Variants in LRCH1 observed in about 807,000 individuals in gnomAD.
The protein encoded by LRCH1 is leucine rich repeats and calponin homology domain containing 1.
In LRCH1, 23 loss-of-function variants were observed where a neutral mutation model predicts 94.9. The ratio of observed to expected loss-of-function variants is 0.24; its 90% confidence interval spans 0.17 to 0.34. LRCH1 has a LOEUF of 0.34. Among genes scored for constraint, LRCH1 ranks in the 10% least tolerant of loss-of-function variants. LRCH1 has a pLI of 1.00. For synonymous variants in LRCH1, 364 were observed against 354.9 expected (o/e 1.03, Z -0.29); for missense variants, 790 against 945.9 (o/e 0.84, Z 2.16).
At chr13:46,676,466 C>G (rs1448970937) in intron 3 of LRCH1, among the ~76,000 whole-genome samples, 1 of 152,058 alleles carries the variant, frequency 6.6e-6, no homozygotes, top group East Asian at 1.9e-4. Flanking sequence ...GATAGAGACA[C>G]AGAAAGGGTA....
intron 1 of LRCH1, among the ~76,000 whole-genome samples, chr13:46,590,192 G>A (rs989781088): frequency 1.3e-5 from 2 of 152,020 alleles, no homozygotes; most frequent in East Asian, 3.9e-4. Context: ...TCACAATATT[G>A]GAAGGTGACA....
chr13:46,680,932 G>T (rs1156468254), intron 3 of LRCH1, among the ~76,000 whole-genome samples: 1 of 152,178 alleles, frequency 6.6e-6, no homozygotes, highest in African/African-American at 2.4e-5. Context: ...CTACACTGCA[G>T]GAGTAGCTGG....
chr13:46,681,910 T>A, intron 4 of LRCH1, 64 bp downstream of exon 4: 2 of 1,014,566 alleles, frequency 2.0e-6, no homozygotes, highest in South Asian at 2.8e-5. Context: ...TTTTGGGGGG[T>A]TTACTTTTGT....
At chr13:46,625,598 C>G (rs961593209) in intron 1 of LRCH1, among the ~76,000 whole-genome samples, 25 of 150,262 alleles carry the variant, frequency 1.7e-4, no homozygotes, top group African/African-American at 6.1e-4. Flanking sequence ...CTGGACTCCT[C>G]AGCCTCCAGA....
intron 1 of LRCH1, among the ~76,000 whole-genome samples, chr13:46,566,875 G>A (rs1362479378): frequency 6.6e-6 from 1 of 152,150 alleles, no homozygotes; most frequent in Non-Finnish European, 1.5e-5. Context: ...TATATGCATG[G>A]GGAGTTCCAG....
At chr13:46,692,707 C>G (rs1171276383) in intron 8 of LRCH1, 66 bp downstream of exon 8, 24 of 1,191,678 alleles carry the variant, frequency 2.0e-5, no homozygotes, top group Non-Finnish European at 3.0e-5. Context: ...TTAAAATAAC[C>G]TGTGCACAGA....
intron 4 of LRCH1, 90 bp downstream of exon 4, chr13:46,681,936 TTGTGTGTGTG>T (rs71077914): frequency 3.8e-6 from 2 of 523,206 alleles, no homozygotes; most frequent in Non-Finnish European, 6.9e-6. Context: ...GGGTCGATCT[TTGTGTGTGTG>T]TGTGTGTGTG....
chr13:46,734,577 A>G (rs986342699), intron 19 of LRCH1, among the ~76,000 whole-genome samples: 2 of 152,220 alleles, frequency 1.3e-5, no homozygotes, highest in Non-Finnish European at 1.5e-5. Context: ...TTTGAGCCCA[A>G]TAGGCAATTC....
chr13:46,687,274 G>A (rs1566226377), intron 5 of LRCH1, among the ~76,000 whole-genome samples: 1 of 152,112 alleles, frequency 6.6e-6, no homozygotes, highest in African/African-American at 2.4e-5. Context: ...TTCCTTATTT[G>A]AATGTTAGCT....
At chr13:46,711,766 C>T in intron 13 of LRCH1, 25 bp from the exon 14 acceptor site, 3 of 1,594,892 alleles carry the variant, frequency 1.9e-6, no homozygotes, top group South Asian at 1.1e-5. Flanking sequence ...ATGGAACATA[C>T]CATGCTTTGT....
intron 18 of LRCH1, chr13:46,750,500 A>G (rs2138264410): frequency 2.9e-6 from 4 of 1,361,854 alleles, no homozygotes; most frequent in Non-Finnish European, 4.1e-6. Flanking sequence ...ATGAGAGTAC[A>G]ATCATCTAAA....
intron 3 of LRCH1, among the ~76,000 whole-genome samples, chr13:46,670,013 T>G (rs565953981): frequency 2.6e-4 from 40 of 152,326 alleles, no homozygotes; most frequent in Non-Finnish European, 4.9e-4. Context: ...CCAACTCCTC[T>G]GGGGCCACCC....
At chr13:46,608,950 T>C (rs1353719211) in intron 1 of LRCH1, among the ~76,000 whole-genome samples, 2 of 152,192 alleles carry the variant, frequency 1.3e-5, no homozygotes, top group African/African-American at 4.8e-5. Flanking sequence ...TTTCCCTCAC[T>C]TGCTCATCTC....
intron 1 of LRCH1, among the ~76,000 whole-genome samples, chr13:46,593,152 A>G (rs994129659): frequency 6.6e-6 from 1 of 151,986 alleles, no homozygotes; most frequent in Non-Finnish European, 1.5e-5. Context: ...ATCATCAAAA[A>G]GTATTAAGTG....
chr13:46,669,271 A>T, intron 3 of LRCH1, 115 bp downstream of exon 3: 2 of 1,224,384 alleles, frequency 1.6e-6, no homozygotes, highest in Non-Finnish European at 2.3e-6. Flanking sequence ...CTGTTGTTTG[A>T]GGGCAGGTAT....
chr13:46,625,465 C>T (rs1412332620), intron 1 of LRCH1, among the ~76,000 whole-genome samples: 1 of 151,926 alleles, frequency 6.6e-6, no homozygotes, highest in African/African-American at 2.4e-5. Flanking sequence ...TAAAAGAGAC[C>T]CCAGAGAGCT....
chr13:46,706,402 A>AT (rs1322950850), intron 13 of LRCH1, among the ~76,000 whole-genome samples: 1 of 152,208 alleles, frequency 6.6e-6, no homozygotes, highest in African/African-American at 2.4e-5. Flanking sequence ...GCCTTTAAAC[A>AT]GAATTACTGT....
chr13:46,637,506 C>T (rs1594305401), intron 1 of LRCH1, among the ~76,000 whole-genome samples: 1 of 152,202 alleles, frequency 6.6e-6, no homozygotes, highest in East Asian at 1.9e-4. Context: ...AGTCCCACAG[C>T]CTTCCCTGGT....
Position 46,701,145 on chromosome 13 carries a change from C to A in LRCH1, c.1338C>A (p.Asp446Glu), listed in dbSNP as rs753448189. 1 of 1,612,946 alleles carries A rather than the reference C, an allele frequency of 6.2e-7. No homozygotes were observed. Among genetic ancestry groups the A allele is most frequent in the South Asian group, 1.1e-5 (1 of 91,046 alleles). Reference sequence around the variant, plus strand: ...GAATAAGTTCATCCAAAGATCAGGACATGGATATAGCAATGATCGAGCAGC... The same window carrying A: ...GAATAAGTTCATCCAAAGATCAGGAAATGGATATAGCAATGATCGAGCAGC... ...EGIISSSKDQ[D>E]MDIAMIEQLR... The change falls in exon 11 of 20, where the codon GAC (aspartate) becomes GAA (glutamate). Residue 446 changes from aspartate to glutamate, a missense_variant. Asp to Glu is a conservative substitution (Grantham distance 45, BLOSUM62 2). Transcript: ENST00000389797.
Sources: gnomAD v4.1 joint callset for allele counts (sites outside exome capture counted in the v4.1 genomes callset) on GRCh38, gnomAD v4.1.1 for gene constraint, MANE v1.5 for transcripts, NCBI Gene and HGNC (gene_info 2026-07-23, HGNC 2026-07-21) for gene names.